Variants in SEMA3A observed in about 807,000 individuals in gnomAD.
The protein encoded by SEMA3A is semaphorin 3A.
SEMA3A carries 29 observed loss-of-function variants against 97.9 expected under a neutral mutation model. The ratio of observed to expected loss-of-function variants is 0.30; its 90% CI spans 0.22 to 0.40. The LOEUF (loss-of-function observed/expected upper bound fraction) is 0.40, where lower values mean the gene tolerates loss of function less well. SEMA3A is among the 10% of genes least tolerant of loss of function. The probability of loss-of-function intolerance (pLI) is 1.00; values close to 1 mark genes in which losing one functional copy is unlikely to be tolerated. For synonymous variants in SEMA3A, 321 were observed against 323.7 expected (o/e 0.99, Z 0.09); for missense variants, 763 against 951.3 (o/e 0.80, Z 2.60).
intron 2 of SEMA3A, among the ~76,000 whole-genome samples, chr7:84,307,773 T>G (rs901637573): frequency 6.6e-6 from 1 of 152,158 alleles, no homozygotes; most frequent in Non-Finnish European, 1.5e-5. Flanking sequence ...TTCCTTTTTT[T>G]CTGGATAAAG....
At chr7:84,490,936 G>A (rs899906182) in intron 1 of SEMA3A, among the ~76,000 whole-genome samples, 1 of 152,104 alleles carries the variant, frequency 6.6e-6, no homozygotes, top group South Asian at 2.1e-4. Context: ...GACATTGACC[G>A]CTATTCAATG....
At chr7:84,450,204 G>C (rs975915657) in intron 1 of SEMA3A, among the ~76,000 whole-genome samples, 4 of 151,888 alleles carry the variant, frequency 2.6e-5, no homozygotes, top group Non-Finnish European at 5.9e-5. Context: ...AGAGTACAAG[G>C]GTCCAATTTC....
intron 1 of SEMA3A, among the ~76,000 whole-genome samples, chr7:84,465,296 C>T (rs1417480859): frequency 1.3e-5 from 2 of 152,078 alleles, no homozygotes; most frequent in East Asian, 1.9e-4. Context: ...CAAAGATCCT[C>T]ATTCATACCC....
chr7:84,124,246 T>G (rs1334051802), intron 3 of SEMA3A, among the ~76,000 whole-genome samples: 1 of 152,210 alleles, frequency 6.6e-6, no homozygotes, highest in Non-Finnish European at 1.5e-5. Context: ...GCTGCAGAGA[T>G]AGCATTTTAC....
At chr7:84,481,640 C>T (rs2116434298) in intron 1 of SEMA3A, among the ~76,000 whole-genome samples, 1 of 152,178 alleles carries the variant, frequency 6.6e-6, no homozygotes, top group South Asian at 2.1e-4. Flanking sequence ...TCTTATTACA[C>T]ATAATTCAAG....
intron 2 of SEMA3A, among the ~76,000 whole-genome samples, chr7:84,321,270 T>C (rs1801635472): frequency 6.6e-6 from 1 of 152,208 alleles, no homozygotes; most frequent in South Asian, 2.1e-4. Context: ...TATTTATTCA[T>C]GAAAATTGCT....
chr7:84,364,846 GAAA>G (rs10710006), intron 2 of SEMA3A, among the ~76,000 whole-genome samples: 1 of 126,472 alleles, frequency 7.9e-6, no homozygotes, highest in Admixed American at 7.8e-5. Context: ...AAGAACAAGA[GAAA>G]AAAAAAAAAA....
intron 1 of SEMA3A, among the ~76,000 whole-genome samples, chr7:84,465,031 C>T (rs1027035328): frequency 1.3e-5 from 2 of 151,916 alleles, no homozygotes; most frequent in Non-Finnish European, 2.9e-5. Flanking sequence ...TGTATGGCCC[C>T]AAAAGATAAA....
intron 2 of SEMA3A, among the ~76,000 whole-genome samples, chr7:84,337,816 C>T (rs1802074373): frequency 6.6e-6 from 1 of 152,034 alleles, no homozygotes; most frequent in East Asian, 1.9e-4. Context: ...CTACATGTAG[C>T]CCCAAAGCAT....
intron 12 of SEMA3A, among the ~76,000 whole-genome samples, chr7:83,995,294 G>A (rs62473918): frequency 0.037 from 5,655 of 152,146 alleles, 166 homozygotes; most frequent in Non-Finnish European, 0.056. Flanking sequence ...CTCACTCTGG[G>A]AGCTGTAGAC....
intron 1 of SEMA3A, among the ~76,000 whole-genome samples, chr7:84,380,689 G>T (rs656300): frequency 0.12 from 18,466 of 152,174 alleles, 2,076 homozygotes; most frequent in East Asian, 0.35. Flanking sequence ...TCAGAAGTCT[G>T]CAACTTTAAC....
At chr7:84,325,459 A>G (rs1801754124) in intron 2 of SEMA3A, among the ~76,000 whole-genome samples, 1 of 152,044 alleles carries the variant, frequency 6.6e-6, no homozygotes, top group Admixed American at 6.6e-5. Flanking sequence ...TTGCCACAGG[A>G]TATCTGAATC....
intron 3 of SEMA3A, among the ~76,000 whole-genome samples, chr7:84,289,604 T>TA (rs1449215038): frequency 6.6e-6 from 1 of 152,012 alleles, no homozygotes; most frequent in African/African-American, 2.4e-5. Context: ...ATGGCAATGA[T>TA]AAAAAATATA....
At chr7:84,225,691 G>T (rs1405142686) in intron 3 of SEMA3A, among the ~76,000 whole-genome samples, 1 of 152,028 alleles carries the variant, frequency 6.6e-6, no homozygotes, top group African/African-American at 2.4e-5. Flanking sequence ...GTCATCTCAC[G>T]GAGGCAACAC....
intron 1 of SEMA3A, among the ~76,000 whole-genome samples, chr7:84,384,768 G>A (rs1170416608): frequency 2.6e-5 from 4 of 152,136 alleles, no homozygotes; most frequent in Admixed American, 6.6e-5. Flanking sequence ...TCTTGAGTAC[G>A]ACTAGTTCTT....
At chr7:84,246,826 G>A (rs1047007756) in intron 3 of SEMA3A, among the ~76,000 whole-genome samples, 7 of 151,970 alleles carry the variant, frequency 4.6e-5, no homozygotes, top group Non-Finnish European at 8.8e-5. Flanking sequence ...AGTCTTAAGG[G>A]AGTCATCAGA....
At chr7:84,321,817 A>G (rs956221767) in intron 2 of SEMA3A, among the ~76,000 whole-genome samples, 2 of 138,708 alleles carry the variant, frequency 1.4e-5, no homozygotes, top group African/African-American at 5.4e-5. Flanking sequence ...CAGGGGTTGC[A>G]GTGAGCCAAG....
chr7:84,201,717 T>C (rs961771493), intron 3 of SEMA3A, among the ~76,000 whole-genome samples: 2 of 152,138 alleles, frequency 1.3e-5, no homozygotes, highest in African/African-American at 4.8e-5. Flanking sequence ...TCAATCAACA[T>C]AAATTCATTT....
chr7:84,241,378 T>C (rs1444788860), intron 3 of SEMA3A, among the ~76,000 whole-genome samples: 1 of 152,228 alleles, frequency 6.6e-6, no homozygotes, highest in Admixed American at 6.5e-5. Context: ...TTTTTTCATA[T>C]GTTTATTGAC....
Sources: gnomAD v4.1 joint callset for allele counts (sites outside exome capture counted in the v4.1 genomes callset) on GRCh38, gnomAD v4.1.1 for gene constraint, MANE v1.5 for transcripts, NCBI Gene and HGNC (gene_info 2026-07-23, HGNC 2026-07-21) for gene names.